MDGA2: variants seen among roughly 807,000 people sequenced by gnomAD.
MDGA2 encodes MAM domain containing glycosylphosphatidylinositol anchor 2.
Under a neutral mutation model 117.8 loss-of-function variants are expected in MDGA2, and 40 were observed. The observed-to-expected ratio is 0.34, with a 90% CI of 0.26 to 0.44. MDGA2 has a LOEUF of 0.44. MDGA2 is among the 20% of genes least tolerant of loss of function. The probability of loss-of-function intolerance (pLI) is 1.00; values close to 1 mark genes in which losing one functional copy is unlikely to be tolerated. For missense variants in MDGA2, 1,123 were observed against 1,250.6 expected (o/e 0.90, Z 1.54); for synonymous variants, 452 against 439.0 (o/e 1.03, Z -0.37).
chr14:47,491,786 T>C (rs563337820), intron 1 of MDGA2, among the ~76,000 whole-genome samples: 4 of 129,870 alleles, frequency 3.1e-5, no homozygotes, highest in Non-Finnish European at 6.5e-5. Flanking sequence ...ACGGTAGTTA[T>C]GTGACAAATC....
chr14:47,162,107 A>G (rs1353392655), intron 3 of MDGA2, among the ~76,000 whole-genome samples: 4 of 151,438 alleles, frequency 2.6e-5, no homozygotes, highest in Non-Finnish European at 5.9e-5. Flanking sequence ...CACCACGCCC[A>G]GCTAGTTTTT....
intron 8 of MDGA2, among the ~76,000 whole-genome samples, chr14:46,965,331 T>A (rs954372524): frequency 5.3e-5 from 8 of 152,150 alleles, no homozygotes; most frequent in Non-Finnish European, 8.8e-5. Context: ...TATATATGAA[T>A]GTCATTTGCC....
In MDGA2 at chr14:47,134,467, G is replaced by A. The variant is rs897127233; in HGVS notation, c.793-2621C>T. On this transcript the variant is annotated intron_variant, in intron 4 of 16. Coordinates refer to ENST00000399232, the MANE Select transcript of MDGA2 (RefSeq NM_001113498.3). The stretch of plus-strand genomic sequence containing the variant: ...TTACAGATAATCAATAGATATTTGT[G>A]CATATTGTAAAAAAGAAAGTGGGTC... 4.6e-5 allele frequency among the ~76,000 whole-genome samples: 7 copies of A among 151,774 alleles called. No individual in the cohort carries two copies. The South Asian group carries it at 1.5e-3, about 31-fold the overall frequency.
chr14:47,547,843 C>T (rs1308863769), intron 1 of MDGA2, among the ~76,000 whole-genome samples: 1 of 151,960 alleles, frequency 6.6e-6, no homozygotes, highest in Non-Finnish European at 1.5e-5. Flanking sequence ...AAATTATATC[C>T]CTAGGTTTAG....
chr14:47,373,609 T>C (rs986467412), intron 1 of MDGA2, among the ~76,000 whole-genome samples: 1 of 152,006 alleles, frequency 6.6e-6, no homozygotes, highest in Non-Finnish European at 1.5e-5. Flanking sequence ...AAAGGAGGCC[T>C]ATAGAGACAG....
intron 1 of MDGA2, among the ~76,000 whole-genome samples, chr14:47,360,127 G>A (rs916464330): frequency 8.6e-5 from 13 of 151,952 alleles, no homozygotes; most frequent in African/African-American, 2.2e-4. Flanking sequence ...TGAGGTGGGC[G>A]GATCACCTGA....
rs138378350 is a variant in MDGA2, at chr14:47,570,584, G to T, written c.280+103933C>A. Among the ~76,000 whole-genome samples the T allele has an allele frequency of 1.3e-5, 2 of 151,982 alleles. 1 individual carries two copies. The highest frequency in any genetic ancestry group is 4.8e-5 in the African/African-American group (2 of 41,474). ...GTATATATTCTCTTAAAAATATACA[G>T]CCCCAGAAACAACACTACACATCTA... On this transcript the variant is annotated intron_variant, in intron 1 of 16. Coordinates refer to ENST00000399232, the MANE Select transcript of MDGA2 (RefSeq NM_001113498.3).
intron 3 of MDGA2, among the ~76,000 whole-genome samples, chr14:47,209,685 T>A (rs1566681907): frequency 1.3e-5 from 2 of 152,276 alleles, no homozygotes; most frequent in South Asian, 4.1e-4. Flanking sequence ...TATTTGGAAA[T>A]TAGATTGGTT....
At chr14:47,002,112 C>A (rs1433803678) in intron 8 of MDGA2, among the ~76,000 whole-genome samples, 2 of 151,922 alleles carry the variant, frequency 1.3e-5, no homozygotes, top group African/African-American at 4.8e-5. Flanking sequence ...TAATGTAATG[C>A]AAATATTAGA....
chr14:47,050,314 G>A (rs912995591), intron 7 of MDGA2, among the ~76,000 whole-genome samples: 4 of 151,982 alleles, frequency 2.6e-5, no homozygotes, highest in East Asian at 1.9e-4. Flanking sequence ...GTCCTGAGGC[G>A]TCAGTGAAAT....
At chr14:46,896,220 C>T (rs1430154677) in intron 10 of MDGA2, among the ~76,000 whole-genome samples, 1 of 152,024 alleles carries the variant, frequency 6.6e-6, no homozygotes, top group Non-Finnish European at 1.5e-5. Context: ...TTTAAACATA[C>T]TGATGTACCA....
At chr14:47,045,327 T>C (rs1889217902) in intron 7 of MDGA2, among the ~76,000 whole-genome samples, 4 of 152,164 alleles carry the variant, frequency 2.6e-5, no homozygotes, top group Admixed American at 2.6e-4. Context: ...AACTTGAGCA[T>C]ATAATAAAAT....
chr14:47,495,367 A>G (rs1894259743), intron 1 of MDGA2, among the ~76,000 whole-genome samples: 1 of 152,088 alleles, frequency 6.6e-6, no homozygotes, highest in Admixed American at 6.6e-5. Flanking sequence ...CCATTACACA[A>G]TACATCCATG....
intron 1 of MDGA2, among the ~76,000 whole-genome samples, chr14:47,553,778 G>T (rs1895632832): frequency 6.6e-6 from 1 of 152,026 alleles, no homozygotes; most frequent in Admixed American, 6.6e-5. Context: ...TATATATGTT[G>T]TCTTATATTT....
At position 46,894,176 on chromosome 14, in the gene MDGA2, G is replaced by C. The variant is rs150533842; in HGVS notation, c.2239-11955C>G. Among the ~76,000 whole-genome samples, 41 of 152,062 alleles carry C rather than the reference G, an allele frequency of 2.7e-4. No individual in the cohort carries two copies. The East Asian group carries it at 7.0e-3, about 26-fold the overall frequency. ...TCTTATAAAAAATCTATCGAGGTTAGTATTATTATCTTCATTTCCTCAGTT... is the reference window on the plus strand; with the variant it reads ...TCTTATAAAAAATCTATCGAGGTTACTATTATTATCTTCATTTCCTCAGTT... On this transcript the variant is annotated intron_variant, in intron 10 of 16. Coordinates refer to ENST00000399232, the MANE Select transcript of MDGA2 (RefSeq NM_001113498.3).
At chr14:47,535,476 T>C (rs1895191358) in intron 1 of MDGA2, among the ~76,000 whole-genome samples, 1 of 152,196 alleles carries the variant, frequency 6.6e-6, no homozygotes, top group Non-Finnish European at 1.5e-5. Flanking sequence ...CTTTGAGAGG[T>C]AACTGGCAGT....
chr14:47,246,865 C>T (rs558752939), intron 2 of MDGA2, among the ~76,000 whole-genome samples: 172 of 143,328 alleles, frequency 1.2e-3, no homozygotes, highest in African/African-American at 4.2e-3. Context: ...CCAGATGATC[C>T]CTAGGAGCAT....
intron 10 of MDGA2, among the ~76,000 whole-genome samples, chr14:46,907,206 G>T (rs1193669496): frequency 6.6e-6 from 1 of 151,986 alleles, no homozygotes; most frequent in Non-Finnish European, 1.5e-5. Flanking sequence ...TTGAACTCCT[G>T]ACCTCGGGTG....
intron 1 of MDGA2, among the ~76,000 whole-genome samples, chr14:47,452,226 T>G (rs933429799): frequency 1.3e-5 from 2 of 152,048 alleles, no homozygotes; most frequent in Admixed American, 6.6e-5. Flanking sequence ...ATGTAGACAT[T>G]CAAAACATGT....
Sources: gnomAD v4.1 joint callset for allele counts (sites outside exome capture counted in the v4.1 genomes callset) on GRCh38, gnomAD v4.1.1 for gene constraint, MANE v1.5 for transcripts, NCBI Gene and HGNC (gene_info 2026-07-23, HGNC 2026-07-21) for gene names.